PDE7B: variants seen among roughly 807,000 people sequenced by gnomAD.
The protein encoded by PDE7B is phosphodiesterase 7B.
Under a neutral mutation model 56.2 loss-of-function variants are expected in PDE7B, and 29 were observed. That is an observed-to-expected ratio of 0.52 (90% CI 0.38 to 0.70). The LOEUF is 0.70. Among genes scored for constraint, PDE7B ranks in the 30% least tolerant of loss-of-function variants. The pLI, the probability that PDE7B is intolerant of heterozygous loss-of-function variation, is 0.00. For synonymous variants in PDE7B, 197 were observed against 196.9 expected, an observed-to-expected ratio of 1.00 and a Z score of 0.00; for missense variants, 490 against 565.0, an observed-to-expected ratio of 0.87 and a Z score of 1.35.
chr6:135,872,447 T>C (rs1775402198), intron 1 of PDE7B, among the ~76,000 whole-genome samples: 2 of 152,260 alleles, frequency 1.3e-5, no homozygotes, highest in South Asian at 4.2e-4. Context: ...AAAAAAATCA[T>C]ACAGAAAAGA....
At chr6:136,072,272 T>G (rs1467366929) in intron 2 of PDE7B, among the ~76,000 whole-genome samples, 3 of 152,142 alleles carry the variant, frequency 2.0e-5, no homozygotes, top group Non-Finnish European at 2.9e-5. Flanking sequence ...CTAAGTTCTG[T>G]GAAGGACCTA....
At chr6:135,889,246 C>A (rs2128189888) in intron 1 of PDE7B, among the ~76,000 whole-genome samples, 1 of 152,148 alleles carries the variant, frequency 6.6e-6, no homozygotes, top group South Asian at 2.1e-4. Flanking sequence ...ACTGAACCAC[C>A]TTCAACCTGA....
chr6:136,004,744 G>A (rs1487699681), intron 2 of PDE7B, among the ~76,000 whole-genome samples: 1 of 152,168 alleles, frequency 6.6e-6, no homozygotes, highest in Non-Finnish European at 1.5e-5. Flanking sequence ...TTCATGGGTA[G>A]GAAGAATCAA....
intron 1 of PDE7B, among the ~76,000 whole-genome samples, chr6:135,867,013 C>A (rs1044188534): frequency 2.0e-5 from 3 of 152,126 alleles, no homozygotes; most frequent in African/African-American, 7.2e-5. Context: ...ATACTTTATG[C>A]AGGTTTTTCC....
At chr6:135,895,639 A>G (rs866324320) in intron 1 of PDE7B, among the ~76,000 whole-genome samples, 1 of 152,284 alleles carries the variant, frequency 6.6e-6, no homozygotes, top group South Asian at 2.1e-4. Flanking sequence ...AATATTGGCT[A>G]AAAAGTAGAC....
intron 3 of PDE7B, among the ~76,000 whole-genome samples, chr6:136,127,003 A>G (rs1583895455): frequency 6.6e-6 from 1 of 152,298 alleles, no homozygotes; most frequent in African/African-American, 2.4e-5. Flanking sequence ...CTCCATGAAT[A>G]TATACATACC....
chr6:136,016,708 C>A (rs1775983971), intron 2 of PDE7B, among the ~76,000 whole-genome samples: 2 of 151,904 alleles, frequency 1.3e-5, no homozygotes, highest in African/African-American at 4.8e-5. Flanking sequence ...GTGGGCAGGC[C>A]TCGGACAAGT....
intron 1 of PDE7B, among the ~76,000 whole-genome samples, chr6:135,888,405 A>G (rs957121933): frequency 6.6e-6 from 1 of 152,188 alleles, no homozygotes; most frequent in South Asian, 2.1e-4. Flanking sequence ...GGGACCTCAG[A>G]TAAAGTAACT....
chr6:136,096,480 C>CTT (rs201836265), intron 2 of PDE7B, among the ~76,000 whole-genome samples: 1,795 of 110,106 alleles, frequency 0.016, 52 homozygotes, highest in African/African-American at 0.056. Flanking sequence ...CCAATGAATG[C>CTT]TTTTTTTTTT....
At chr6:136,123,410 C>T (rs1777971165) in intron 3 of PDE7B, among the ~76,000 whole-genome samples, 1 of 152,096 alleles carries the variant, frequency 6.6e-6, no homozygotes, top group Non-Finnish European at 1.5e-5. Flanking sequence ...ATTAGGTCTC[C>T]AAAATGTCAA....
intron 2 of PDE7B, among the ~76,000 whole-genome samples, chr6:135,955,954 C>CT: frequency 6.6e-6 from 1 of 152,252 alleles, no homozygotes; most frequent in South Asian, 2.1e-4. Context: ...GCCCAAGGAA[C>CT]TTTCCACTGC....
At chr6:135,922,218 G>C (rs1324476753) in intron 1 of PDE7B, among the ~76,000 whole-genome samples, 1 of 152,148 alleles carries the variant, frequency 6.6e-6, no homozygotes, top group Non-Finnish European at 1.5e-5. Context: ...TAAGGTAAGA[G>C]AAAACACAAG....
In PDE7B at chr6:136,179,147, C is replaced by G; in HGVS notation, c.948+6C>G. The G allele has an allele frequency of 6.2e-7, 1 of 1,613,106 alleles. No individual in the cohort carries two copies. Among genetic ancestry groups the G allele is most frequent in the Non-Finnish European group, 8.5e-7 (1 of 1,179,366 alleles). On this transcript the variant is annotated splice_donor_region_variant and intron_variant, in intron 10 of 12. Coordinates refer to ENST00000308191, the MANE Select transcript of PDE7B (RefSeq NM_018945.4). ...ACAGGCACTTTATGCTTCAGGTAAA[C>G]GAAACAATAAAAGCCATTCTTTTTG...
intron 1 of PDE7B, among the ~76,000 whole-genome samples, chr6:135,935,493 G>A (rs879557727): frequency 6.6e-6 from 1 of 151,870 alleles, no homozygotes; most frequent in Non-Finnish European, 1.5e-5. Context: ...TGGATTCAGT[G>A]TATTTTTGCC....
At chr6:136,006,477 T>C (rs764291652) in intron 2 of PDE7B, among the ~76,000 whole-genome samples, 5 of 152,168 alleles carry the variant, frequency 3.3e-5, no homozygotes, top group Non-Finnish European at 7.4e-5. Flanking sequence ...ATAGAAATAA[T>C]ATTGAATTTG....
chr6:136,184,850 CA>C (rs1562516720), intron 11 of PDE7B, among the ~76,000 whole-genome samples: 1 of 151,590 alleles, frequency 6.6e-6, no homozygotes, highest in Non-Finnish European at 1.5e-5. Flanking sequence ...TGAAAGGGGG[CA>C]AAAAAAGTTC....
intron 3 of PDE7B, among the ~76,000 whole-genome samples, chr6:136,117,384 A>G (rs1221959820): frequency 6.6e-6 from 1 of 152,194 alleles, no homozygotes; most frequent in Non-Finnish European, 1.5e-5. Flanking sequence ...TCAACGTTTC[A>G]GAATATCTAA....
chr6:136,061,820 C>T (rs1378781847), intron 2 of PDE7B, among the ~76,000 whole-genome samples: 2 of 152,214 alleles, frequency 1.3e-5, no homozygotes, highest in Non-Finnish European at 2.9e-5. Flanking sequence ...ACTCTATACC[C>T]AGTGCTGAAT....
At chr6:135,853,059 A>C (rs1428014739) in intron 1 of PDE7B, among the ~76,000 whole-genome samples, 1 of 152,232 alleles carries the variant, frequency 6.6e-6, no homozygotes, top group Non-Finnish European at 1.5e-5. Flanking sequence ...TTTTTGTAAC[A>C]GCAATTTAAG....
Sources: gnomAD v4.1 joint callset for allele counts (sites outside exome capture counted in the v4.1 genomes callset) on GRCh38, gnomAD v4.1.1 for gene constraint, MANE v1.5 for transcripts, NCBI Gene and HGNC (gene_info 2026-07-23, HGNC 2026-07-21) for gene names.